CLEC5A: variants seen among roughly 807,000 people sequenced by gnomAD.
CLEC5A encodes the protein C-type lectin domain containing 5A.
CLEC5A carries 15 observed loss-of-function variants against 24.4 expected under a neutral mutation model. The ratio of observed to expected loss-of-function variants is 0.62; its 90% CI spans 0.41 to 0.95. The LOEUF (loss-of-function observed/expected upper bound fraction) is 0.95. Among genes scored for constraint, CLEC5A ranks in the 40% least tolerant of loss-of-function variants. CLEC5A has a pLI of 0.00. For missense variants in CLEC5A, 211 were observed against 224.0 expected (o/e 0.94, Z 0.37); for synonymous variants, 71 against 72.6 (o/e 0.98, Z 0.11).
intron 4 of CLEC5A, among the ~76,000 whole-genome samples, chr7:141,940,641 G>A (rs189283843): frequency 4.0e-4 from 61 of 150,982 alleles, no homozygotes; most frequent in Non-Finnish European, 2.7e-4. Context: ...AACAAAAGTC[G>A]GCTTTTTGAA....
Position 141,946,259 on chromosome 7 carries a change from C to A in CLEC5A, c.34G>T (p.Val12Leu), listed in dbSNP as rs113727306. 2.3e-4 allele frequency: 356 copies of A among 1,572,688 alleles called. 1 individual carries two copies. In the African/African-American group the frequency reaches 4.3e-3, roughly 19 times the overall value. Residue 12 changes from valine (V) to leucine (L), a missense_variant, in exon 2 of 7, where the codon GTG becomes TTG. By Grantham distance (32) the Val-to-Leu change is conservative. Transcript: ENST00000546910. ...NWHMIISGLI[V>L]VVLKVVGMTL... is the part of the protein sequence containing the mutation. ...ATTCCAACAACTTTAAGCACTACCACAATAAGCCCAGAGATGATCATGTGC... is the reference window on the plus strand; with the variant it reads ...ATTCCAACAACTTTAAGCACTACCAAAATAAGCCCAGAGATGATCATGTGC...
chr7:141,942,829 C>A (rs1382162289), intron 4 of CLEC5A, among the ~76,000 whole-genome samples: 2 of 152,116 alleles, frequency 1.3e-5, no homozygotes, highest in Non-Finnish European at 2.9e-5. Flanking sequence ...TAAAAAGGTG[C>A]TCAACACCAT....
intron 6 of CLEC5A, 63 bp from the exon 7 acceptor site, chr7:141,930,281 A>G (rs1214327085): frequency 1.0e-5 from 13 of 1,271,558 alleles, no homozygotes; most frequent in Non-Finnish European, 1.5e-5. Context: ...GTGATGGCCC[A>G]TCATTTTAGC....
intron 4 of CLEC5A, among the ~76,000 whole-genome samples, chr7:141,943,284 A>G (rs1802852947): frequency 6.6e-6 from 1 of 152,198 alleles, no homozygotes; most frequent in Non-Finnish European, 1.5e-5. Flanking sequence ...CATGAATGGA[A>G]CTGGAGGTCA....
intron 5 of CLEC5A, among the ~76,000 whole-genome samples, chr7:141,932,946 A>G (rs1554440576): frequency 6.6e-6 from 1 of 152,222 alleles, no homozygotes; most frequent in African/African-American, 2.4e-5. Flanking sequence ...CTTAATGCTG[A>G]ACTCTCATGC....
At chr7:141,936,269 A>G in intron 4 of CLEC5A, 1 of 346,782 alleles carries the variant, frequency 2.9e-6, no homozygotes, top group Non-Finnish European at 5.4e-6. Context: ...ATGAACACTC[A>G]GTACCTGGAT....
intron 4 of CLEC5A, among the ~76,000 whole-genome samples, chr7:141,937,979 T>A (rs1019965878): frequency 6.6e-6 from 1 of 152,184 alleles, no homozygotes; most frequent in Admixed American, 6.5e-5. Flanking sequence ...GCTTGGGATG[T>A]CCCCCATGCA....
rs1554440015 is a variant in CLEC5A at position 141,929,658 on chromosome 7, T to C, written c.*446A>G. The C allele has an allele frequency of 6.5e-6, 1 of 153,954 alleles. No homozygotes were observed. Among genetic ancestry groups the C allele is most frequent in the East Asian group, 1.9e-4 (1 of 5,202 alleles). 9.5% of individuals were successfully genotyped at this position (153,954 alleles called of 1,614,324 possible). On this transcript the variant is annotated 3_prime_UTR_variant, in exon 7 of 7. Transcript: ENST00000546910. ...GCCTCTGCTACCCTCGCTTGTGGAGTTAGGAGGGGCATGTGAATGGGGTTC... is the reference window on the plus strand; with the variant it reads ...GCCTCTGCTACCCTCGCTTGTGGAGCTAGGAGGGGCATGTGAATGGGGTTC...
At chr7:141,943,996 T>C in intron 3 of CLEC5A, 32 bp from the exon 4 acceptor site, 1 of 1,277,122 alleles carries the variant, frequency 7.8e-7, no homozygotes, top group Non-Finnish European at 1.1e-6. Context: ...AAGGTTATGG[T>C]ATGATGAATA....
intron 4 of CLEC5A, among the ~76,000 whole-genome samples, chr7:141,938,305 A>T (rs1802689469): frequency 6.6e-6 from 1 of 152,184 alleles, no homozygotes; most frequent in Non-Finnish European, 1.5e-5. Flanking sequence ...GAATTCTATC[A>T]GATAAACTAA....
At chr7:141,933,764 A>AAG (rs1202213682) in intron 5 of CLEC5A, among the ~76,000 whole-genome samples, 1 of 151,744 alleles carries the variant, frequency 6.6e-6, no homozygotes, top group African/African-American at 2.4e-5. Flanking sequence ...TGCCCAGAGA[A>AAG]AGAGAGAGAG....
intron 6 of CLEC5A, among the ~76,000 whole-genome samples, chr7:141,931,028 G>A (rs531778180): frequency 4.6e-5 from 7 of 152,120 alleles, no homozygotes; most frequent in Non-Finnish European, 8.8e-5. Context: ...ACACTGGGAA[G>A]ATTATTGATG....
intron 4 of CLEC5A, among the ~76,000 whole-genome samples, chr7:141,942,844 C>T (rs1481641342): frequency 6.6e-6 from 1 of 152,168 alleles, no homozygotes; most frequent in Non-Finnish European, 1.5e-5. Context: ...CACCATTCCT[C>T]ATTATAGAAT....
At position 141,943,886 on chromosome 7, in the gene CLEC5A, T is replaced by C. The variant is rs782615774; in HGVS notation, c.208+10A>G. 3.8e-6 allele frequency: 6 copies of C among 1,578,836 alleles called. No homozygotes were observed. The highest frequency in any genetic ancestry group is 1.3e-5 in the African/African-American group (1 of 74,232). On this transcript the variant is annotated intron_variant, in intron 4 of 6. Transcript: ENST00000546910. The stretch of plus-strand genomic sequence containing the variant: ...GGGGATGGGGAGTAGGTTGTAATCA[T>C]GCACTTTACCTGTTCCATAGCTCCT...
At chr7:141,944,321 A>G (rs1226989413) in intron 3 of CLEC5A, among the ~76,000 whole-genome samples, 1 of 152,106 alleles carries the variant, frequency 6.6e-6, no homozygotes, top group African/African-American at 2.4e-5. Context: ...TCTCCAAAGG[A>G]CTGTTTGGAG....
chr7:141,943,996 TATG>T (rs781902169), intron 3 of CLEC5A, 32 bp from the exon 4 acceptor site: 561 of 1,277,118 alleles, frequency 4.4e-4, no homozygotes, highest in Non-Finnish European at 5.7e-4. Context: ...AAGGTTATGG[TATG>T]ATGAATACAA....
chr7:141,936,757 C>A (rs1214753842), intron 4 of CLEC5A, among the ~76,000 whole-genome samples: 1 of 152,068 alleles, frequency 6.6e-6, no homozygotes, highest in Non-Finnish European at 1.5e-5. Context: ...CTCTCCCAAC[C>A]CCAAGCAGCA....
chr7:141,935,317 A>G lies in CLEC5A; in HGVS notation c.345+497T>C, dbSNP rs78418946. ...CCATTTATAAAATGTGGATAATAAT[A>G]CATCCTCATTATTATTATCATGATC... On this transcript the variant is annotated intron_variant, in intron 5 of 6. Transcript: ENST00000546910. 5.4e-3 allele frequency among the ~76,000 whole-genome samples: 827 copies of G among 152,268 alleles called. 11 individuals are homozygous for G. The highest frequency in any genetic ancestry group is 0.018 in the African/African-American group (768 of 41,554).
rs41275009 is a variant in CLEC5A, at chr7:141,945,419, G to T, written c.80-19C>A. 1 of 1,596,198 alleles carries T rather than the reference G, an allele frequency of 6.3e-7. No homozygotes were observed. Among genetic ancestry groups the T allele is most frequent in the South Asian group, 1.1e-5 (1 of 90,698 alleles). On this transcript the variant is annotated intron_variant, in intron 2 of 6. Coordinates refer to ENST00000546910, the MANE Select transcript of CLEC5A (RefSeq NM_013252.3). ...TGTGGGACTGAAAAGAAAATCAGCT[G>T]TTGGCTCAGCCCCAAATGTGACTGC...
Sources: allele counts gnomAD v4.1 joint callset (sites outside exome capture counted in the v4.1 genomes callset), GRCh38; gene constraint gnomAD v4.1.1; transcripts MANE v1.5; gene names NCBI Gene and HGNC (gene_info 2026-07-23, HGNC 2026-07-21).